The following VPS13B variants were observed in gnomAD, a reference collection of about 807,000 sequenced individuals.
VPS13B encodes vacuolar protein sorting 13 homolog B.
VPS13B carries 285 observed loss-of-function variants against 426.4 expected under a neutral mutation model. The ratio of observed to expected loss-of-function variants is 0.67; its 90% CI spans 0.61 to 0.74. The LOEUF (loss-of-function observed/expected upper bound fraction) is 0.74. Ranked by LOEUF, VPS13B falls within the 30% of genes least tolerant of loss-of-function variation. The pLI is 0.00. For missense variants in VPS13B, 4,537 were observed against 4,782.6 expected (o/e 0.95, Z 1.51); for synonymous variants, 1,676 against 1,676.4 (o/e 1.00, Z 0.01).
At chr8:99,326,452 C>CTTTTTTGTTTTT (rs1810270142) in intron 19 of VPS13B, among the ~76,000 whole-genome samples, 1 of 32,518 alleles carries the variant, frequency 3.1e-5, no homozygotes. Context: ...CTCTAGGTAG[C>CTTTTTTGTTTTT]TTTTTTTTTT....
chr8:99,477,898 A>G (rs1284332569), intron 24 of VPS13B, among the ~76,000 whole-genome samples: 1 of 152,100 alleles, frequency 6.6e-6, no homozygotes, highest in Non-Finnish European at 1.5e-5. Flanking sequence ...TAACTATGTG[A>G]CCAAAGTTAC....
chr8:99,451,413 A>G (rs1283889314), intron 23 of VPS13B, among the ~76,000 whole-genome samples: 1 of 152,216 alleles, frequency 6.6e-6, no homozygotes, highest in Non-Finnish European at 1.5e-5. Context: ...CAAGACAGAT[A>G]TGGTGCTTGC....
intron 33 of VPS13B, chr8:99,614,043 C>G (rs1267826970): frequency 6.6e-6 from 1 of 152,252 alleles, no homozygotes; most frequent in Non-Finnish European, 1.5e-5. Flanking sequence ...CTTAGCTTCC[C>G]AAGTACCTAG....
chr8:99,767,104 A>T, intron 40 of VPS13B, 134 bp downstream of exon 40: 2 of 891,244 alleles, frequency 2.2e-6, no homozygotes, highest in Non-Finnish European at 3.5e-6. Flanking sequence ...AACAGATGAG[A>T]ACCACAAAGA....
chr8:99,661,155 C>T (rs866431506), intron 34 of VPS13B, among the ~76,000 whole-genome samples, 199 bp from the exon 35 acceptor site: 39 of 152,176 alleles, frequency 2.6e-4, no homozygotes, highest in Middle Eastern at 6.8e-3. Context: ...ATGGTTTTGT[C>T]ATCCCACATT....
intron 3 of VPS13B, among the ~76,000 whole-genome samples, chr8:99,055,033 G>GTTTTTTTTTTTTTTTTTTTTTTTT (rs775826222): frequency 9.1e-6 from 1 of 109,356 alleles, no homozygotes. Context: ...TTGTATTTCT[G>GTTTTTTTTTTTTTTTTTTTTTTTT]TTTTTTTTTT....
At chr8:99,364,927 G>T (rs1235771631) in intron 19 of VPS13B, among the ~76,000 whole-genome samples, 5 of 152,158 alleles carry the variant, frequency 3.3e-5, no homozygotes, top group African/African-American at 1.2e-4. Flanking sequence ...TTTGCTAGGA[G>T]ACTTTTTGTT....
chr8:99,181,577 T>C (rs1812948505), intron 16 of VPS13B, among the ~76,000 whole-genome samples: 1 of 152,190 alleles, frequency 6.6e-6, no homozygotes, highest in Admixed American at 6.5e-5. Context: ...CTTAAATGAG[T>C]TAACAAATAT....
intron 2 of VPS13B, among the ~76,000 whole-genome samples, chr8:99,020,675 TC>T (rs1295469371): frequency 6.6e-6 from 1 of 152,232 alleles, no homozygotes; most frequent in Non-Finnish European, 1.5e-5. Flanking sequence ...TATTCAGTTT[TC>T]CTAACACCAT....
At chr8:99,601,933 C>A (rs1827319562) in intron 33 of VPS13B, among the ~76,000 whole-genome samples, 1 of 152,156 alleles carries the variant, frequency 6.6e-6, no homozygotes, top group African/African-American at 2.4e-5. Flanking sequence ...GAAATTTCTT[C>A]TATTCTGTAG....
At chr8:99,596,648 C>T (rs1827032357) in intron 33 of VPS13B, among the ~76,000 whole-genome samples, 1 of 152,024 alleles carries the variant, frequency 6.6e-6, no homozygotes, top group South Asian at 2.1e-4. Flanking sequence ...CCTACAAGGA[C>T]AAACTCTGAC....
chr8:99,541,774 T>A (rs1300011372), intron 30 of VPS13B, among the ~76,000 whole-genome samples: 1 of 152,202 alleles, frequency 6.6e-6, no homozygotes, highest in Non-Finnish European at 1.5e-5. Context: ...TGGTGTTTCA[T>A]TTCCCAAGTG....
At chr8:99,671,442 T>C (rs1466588275) in intron 35 of VPS13B, among the ~76,000 whole-genome samples, 1 of 152,182 alleles carries the variant, frequency 6.6e-6, no homozygotes, top group Non-Finnish European at 1.5e-5. Context: ...CTTCATACTA[T>C]TGGTTGTTTT....
intron 31 of VPS13B, among the ~76,000 whole-genome samples, chr8:99,574,646 A>G (rs926702815): frequency 6.6e-6 from 1 of 152,222 alleles, no homozygotes; most frequent in Non-Finnish European, 1.5e-5. Flanking sequence ...ATTCTGCTAA[A>G]TAACTGATGA....
At position 99,178,384 on chromosome 8, in the gene VPS13B, C is replaced by G. The variant is rs1812757487; in HGVS notation, c.2333+8221C>G. Among the ~76,000 whole-genome samples, 5 of 146,590 alleles carry G rather than the reference C, an allele frequency of 3.4e-5. No individual in the cohort carries two copies. In the Admixed American group the frequency reaches 3.5e-4, roughly 10 times the overall value. ...GATCAGATAGTGCTTAGGTTAGTGA[C>G]AGAAGAAAATTTCTAATAATAGCAT... On this transcript the variant is annotated intron_variant, in intron 16 of 61. Coordinates refer to ENST00000357162, the MANE Select transcript of VPS13B (RefSeq NM_152564.5).
At chr8:99,608,935 C>T (rs575448789) in intron 33 of VPS13B, among the ~76,000 whole-genome samples, 6 of 151,916 alleles carry the variant, frequency 3.9e-5, no homozygotes, top group Admixed American at 2.0e-4. Flanking sequence ...GTTGTTTCCA[C>T]CTTTTGGCTA....
intron 43 of VPS13B, 44 bp from the exon 44 acceptor site, chr8:99,809,331 G>C (rs746980237): frequency 6.2e-7 from 1 of 1,613,178 alleles, no homozygotes; most frequent in South Asian, 1.1e-5. Context: ...CTAGGTTTTT[G>C]TTGGCACGTT....
intron 14 of VPS13B, among the ~76,000 whole-genome samples, chr8:99,154,310 C>T (rs1470614087): frequency 6.6e-6 from 1 of 151,848 alleles, no homozygotes; most frequent in South Asian, 2.1e-4. Flanking sequence ...TTGTGGAATT[C>T]GTATTACATG....
At chr8:99,134,821 T>C (rs1366949777) in intron 9 of VPS13B, 94 bp downstream of exon 9, 18 of 1,228,790 alleles carry the variant, frequency 1.5e-5, no homozygotes, top group Non-Finnish European at 1.6e-5. Flanking sequence ...TATTTAAAAA[T>C]ACAAGTAAGA....
Sources: gnomAD v4.1 joint callset for allele counts (sites outside exome capture counted in the v4.1 genomes callset) on GRCh38, gnomAD v4.1.1 for gene constraint, MANE v1.5 for transcripts, NCBI Gene and HGNC (gene_info 2026-07-23, HGNC 2026-07-21) for gene names.